CAPN13: variants seen among roughly 807,000 people sequenced by gnomAD.
CAPN13 encodes the protein calpain-13.
In CAPN13, 90 loss-of-function variants were observed where a neutral mutation model predicts 98.4. The observed-to-expected ratio is 0.92, with a 90% CI of 0.77 to 1.09. The LOEUF (loss-of-function observed/expected upper bound fraction) is 1.09, where lower values mean the gene tolerates loss of function less well. CAPN13 is among the 50% of genes least tolerant of loss of function. CAPN13 has a pLI of 0.00. For synonymous variants in CAPN13, 330 were observed against 305.5 expected, an observed-to-expected ratio of 1.08 and a Z score of -0.84; for missense variants, 887 against 841.3, an observed-to-expected ratio of 1.05 and a Z score of -0.67.
chr2:30,741,496 G>A, intron 15 of CAPN13: 15 of 1,030,664 alleles, frequency 1.5e-5, no homozygotes, highest in Non-Finnish European at 1.7e-5. Flanking sequence ...AGGTGGTTTG[G>A]CAGCAAGGAT....
At chr2:30,738,885 A>ATGTGTG (rs140991906) in intron 15 of CAPN13, among the ~76,000 whole-genome samples, 1 of 150,542 alleles carries the variant, frequency 6.6e-6, no homozygotes, top group African/African-American at 2.5e-5. Context: ...TGTTGTGTGT[A>ATGTGTG]TGTGTGTGTG....
Position 30,777,552 on chromosome 2 carries a change from A to T in CAPN13, c.271+15T>A. The stretch of plus-strand genomic sequence containing the variant: ...TTCCTATCCAGGGCACGGAGGGAAG[A>T]TGTTGCACTCTTACCTGCGCCTCCT... On this transcript the variant is annotated intron_variant, in intron 3 of 22. Transcript: ENST00000295055. 1 of 1,564,398 alleles carries T rather than the reference A, an allele frequency of 6.4e-7. No homozygotes were observed. Among genetic ancestry groups the T allele is most frequent in the East Asian group, 2.4e-5 (1 of 42,552 alleles).
chr2:30,748,975 C>T (rs1315485172), intron 11 of CAPN13, among the ~76,000 whole-genome samples: 2 of 152,098 alleles, frequency 1.3e-5, no homozygotes, highest in South Asian at 2.1e-4. Flanking sequence ...AAGGCATGCA[C>T]CTAAGCCCTA....
chr2:30,724,346 A>G (rs1304555813), intron 22 of CAPN13, among the ~76,000 whole-genome samples: 2 of 152,172 alleles, frequency 1.3e-5, no homozygotes, highest in African/African-American at 4.8e-5. Context: ...CTCCAGCAGA[A>G]TTTCAAAATC....
At chr2:30,761,125 G>A (rs1361774307) in intron 7 of CAPN13, among the ~76,000 whole-genome samples, 1 of 152,166 alleles carries the variant, frequency 6.6e-6, no homozygotes, top group Non-Finnish European at 1.5e-5. Context: ...CTCCAAGGAG[G>A]GGATATAGTG....
chr2:30,772,634 T>C (rs181901900), intron 4 of CAPN13, among the ~76,000 whole-genome samples: 1 of 152,114 alleles, frequency 6.6e-6, no homozygotes, highest in African/African-American at 2.4e-5. Flanking sequence ...GAAGACCTAA[T>C]ATGCAAATAG....
chr2:30,799,047 T>C (rs1424281729), intron 1 of CAPN13, among the ~76,000 whole-genome samples: 1 of 152,074 alleles, frequency 6.6e-6, no homozygotes, highest in African/African-American at 2.4e-5. Flanking sequence ...CTTTCAGCTA[T>C]ATACCACCTT....
At chr2:30,786,434 C>T (rs774207821) in intron 2 of CAPN13, among the ~76,000 whole-genome samples, 4 of 152,152 alleles carry the variant, frequency 2.6e-5, no homozygotes, top group South Asian at 2.1e-4. Context: ...AGATATTTTC[C>T]GTGGACTTGT....
chr2:30,797,463 C>A (rs6728039), intron 1 of CAPN13, among the ~76,000 whole-genome samples: 1 of 152,190 alleles, frequency 6.6e-6, no homozygotes. Flanking sequence ...CTTAATATCT[C>A]TGAGCCTCCT....
chr2:30,783,635 T>C (rs771647904), intron 2 of CAPN13, among the ~76,000 whole-genome samples: 31 of 152,318 alleles, frequency 2.0e-4, no homozygotes, highest in Non-Finnish European at 3.2e-4. Context: ...CCCTGACTTC[T>C]GGGCTAGTGT....
intron 7 of CAPN13, among the ~76,000 whole-genome samples, chr2:30,758,690 C>T (rs929316173): frequency 2.0e-5 from 3 of 152,100 alleles, no homozygotes; most frequent in African/African-American, 4.8e-5. Context: ...TCCTGCATCC[C>T]GGAGCTGATG....
At chr2:30,745,575 G>C in intron 12 of CAPN13, 148 bp downstream of exon 12, 1 of 716,246 alleles carries the variant, frequency 1.4e-6, no homozygotes, top group South Asian at 1.8e-5. Context: ...ACCTGTTTGG[G>C]GATTCTAGGC....
At chr2:30,741,518 T>C (rs1671652242) in intron 15 of CAPN13, 1 of 1,055,486 alleles carries the variant, frequency 9.5e-7, no homozygotes, top group Non-Finnish European at 1.1e-6. Context: ...CTGTATGTGC[T>C]TTCTGAAGCT....
Position 30,743,487 on chromosome 2 carries a change from C to CA in CAPN13, c.1340dup (p.Met447IlefsTer35). The CA allele has an allele frequency of 6.2e-7, 1 of 1,613,968 alleles. No individual in the cohort carries two copies. Among genetic ancestry groups the CA allele is most frequent in the South Asian group, 1.1e-5 (1 of 91,088 alleles). On this transcript the variant is annotated frameshift_variant, in exon 13 of 23. Coordinates refer to ENST00000295055, the MANE Select transcript of CAPN13 (RefSeq NM_144575.3). LOFTEE classifies it high-confidence loss of function. ...AGTTCCCAGGGCTCAGATGGTAAGT[C>CA]ATGGTGAAGTTGCGGCGGAATTTAT...
At chr2:30,759,612 T>C (rs966082413) in intron 7 of CAPN13, among the ~76,000 whole-genome samples, 2 of 152,114 alleles carry the variant, frequency 1.3e-5, no homozygotes, top group African/African-American at 4.8e-5. Flanking sequence ...AAGCCGCAGG[T>C]GGACGCAGGG....
At chr2:30,787,063 G>C in intron 2 of CAPN13, 65 bp downstream of exon 2, 1 of 1,316,660 alleles carries the variant, frequency 7.6e-7, no homozygotes, top group Non-Finnish European at 1.0e-6. Context: ...CTTTTGGCTG[G>C]AGGTGCCATG....
chr2:30,797,656 C>T (rs1674955734), intron 1 of CAPN13, among the ~76,000 whole-genome samples: 1 of 152,200 alleles, frequency 6.6e-6, no homozygotes, highest in Non-Finnish European at 1.5e-5. Flanking sequence ...AGCCCAGTGA[C>T]TACAACCCTG....
chr2:30,752,947 G>T (rs1672252072), intron 10 of CAPN13, 106 bp downstream of exon 10: 1 of 1,256,632 alleles, frequency 8.0e-7, no homozygotes, highest in Admixed American at 2.0e-5. Context: ...TCAGCTTCAG[G>T]CTCATGGTCC....
intron 18 of CAPN13, among the ~76,000 whole-genome samples, chr2:30,735,388 C>T (rs563256817): frequency 2.0e-5 from 3 of 152,340 alleles, no homozygotes; most frequent in Admixed American, 6.5e-5. Context: ...CTGAGGCCAA[C>T]CATGGGAGAC....
Sources: gnomAD v4.1 joint callset for allele counts (sites outside exome capture counted in the v4.1 genomes callset) on GRCh38, gnomAD v4.1.1 for gene constraint, MANE v1.5 for transcripts, NCBI Gene and HGNC (gene_info 2026-07-23, HGNC 2026-07-21) for gene names.